ECE2: variants seen among roughly 807,000 people sequenced by gnomAD.
ECE2 encodes endothelin-converting enzyme 2.
In ECE2, 81 loss-of-function variants were observed where a neutral mutation model predicts 100.6. That is an observed-to-expected ratio of 0.81 (90% confidence interval 0.67 to 0.97). The LOEUF is 0.97. ECE2 is among the 50% of genes least tolerant of loss of function. The probability of loss-of-function intolerance (pLI) is 0.00; values close to 1 mark genes in which losing one functional copy is unlikely to be tolerated. For missense variants in ECE2, 911 were observed against 988.1 expected (o/e 0.92, Z 1.05); for synonymous variants, 391 against 391.5 (o/e 1.00, Z 0.02).
In ECE2 at chr3:184,289,311, C is replaced by A; in HGVS notation, c.1375-126C>A. On this transcript the variant is annotated intron_variant, in intron 11 of 18. Coordinates refer to ENST00000404464, the MANE Select transcript of ECE2 (RefSeq NM_001100121.2). The surrounding 1 kb of genome is among the most constrained non-coding windows in gnomAD (Gnocchi z 4.1). ...TTCTCATCGTCTCCAGGTGCTCAGCCGTATTTCTTTAGTCTAGACGTTCCC... is the reference window on the plus strand; with the variant it reads ...TTCTCATCGTCTCCAGGTGCTCAGCAGTATTTCTTTAGTCTAGACGTTCCC... 2 of 794,698 alleles carry A rather than the reference C, an allele frequency of 2.5e-6. No homozygotes were observed. The highest frequency in any genetic ancestry group is 4.1e-6 in the Non-Finnish European group (2 of 485,582). 49.2% of individuals were successfully genotyped at this position (794,698 alleles called of 1,614,324 possible). A position where few individuals can be genotyped will look rare whatever the true frequency, so the allele number is the denominator to read the frequency against.
intron 18 of ECE2, 33 bp from the exon 19 acceptor site, chr3:184,292,029 A>G (rs1234789045): frequency 6.3e-7 from 1 of 1,585,370 alleles, no homozygotes; most frequent in Non-Finnish European, 8.6e-7. Flanking sequence ...CACACTAGAC[A>G]CCATATGCCC....
rs575938812 is a variant in ECE2 at position 184,278,378 on chromosome 3, C to T, written c.750+65C>T. 2.0e-5 allele frequency: 32 copies of T among 1,593,616 alleles called. No homozygotes were observed. In the South Asian group the frequency reaches 3.3e-4, roughly 17 times the overall value. ...CTTTGCTGAGCCCAGACTTCCCTCT[C>T]CTGTGACAGGCAGGCTGGGCTGACC... On this transcript the variant is annotated intron_variant, in intron 6 of 18. Transcript: ENST00000404464.
Position 184,288,289 on chromosome 3 carries a change from G to A in ECE2, c.1374+342G>A, listed in dbSNP as rs542903447. Among the ~76,000 whole-genome samples, 235 of 133,184 alleles carry A rather than the reference G, an allele frequency of 1.8e-3. 4 individuals carry two copies. The highest frequency in any genetic ancestry group is 4.4e-3 in the Middle Eastern group (1 of 226). The allele number at this position is 133,184 out of a possible 152,430, so 87.4% of individuals were successfully genotyped here. Reference sequence around the variant, plus strand: ...CGCGCCAGTGCACTCCAGCCTGGGCGACAGAGCAAAACTCTGTCTCAAAAA... The same window carrying A: ...CGCGCCAGTGCACTCCAGCCTGGGCAACAGAGCAAAACTCTGTCTCAAAAA... On this transcript the variant is annotated intron_variant, in intron 11 of 18. Coordinates refer to ENST00000404464, the MANE Select transcript of ECE2 (RefSeq NM_001100121.2).
At chr3:184,276,796 C>A in intron 2 of ECE2, 96 bp from the exon 3 acceptor site, 1 of 1,578,090 alleles carries the variant, frequency 6.3e-7, no homozygotes, top group Non-Finnish European at 8.6e-7. Flanking sequence ...CAGAGTTAAC[C>A]CTGTGGCTCT....
Position 184,292,062 on chromosome 3 carries a change from G to A in ECE2, c.2122G>A (p.Val708Met), listed in dbSNP as rs147364209. 5.0e-6 allele frequency: 8 copies of A among 1,610,896 alleles called. No homozygotes were observed. The African/African-American group carries it at 9.4e-5, about 19-fold the overall frequency. Residue 708 changes from valine to methionine, a missense_variant and splice_region_variant, in exon 19 of 19, where the codon GTG (valine) becomes ATG (methionine). Physicochemically the swap from Val to Met is conservative, Grantham distance 21. Coordinates refer to ENST00000404464, the MANE Select transcript of ECE2 (RefSeq NM_001100121.2). ...CCCCCATGTCTGTCCTGGCCCGCAGGTGTGGTGCTCGGTCCGCACACCAGA... is the reference window on the plus strand; with the variant it reads ...CCCCCATGTCTGTCCTGGCCCGCAGATGTGGTGCTCGGTCCGCACACCAGA... ...HQLFFVGFAQ[V>M]WCSVRTPESS...
intron 10 of ECE2, among the ~76,000 whole-genome samples, chr3:184,287,169 G>A (rs933530411): frequency 2.6e-5 from 4 of 152,008 alleles, no homozygotes; most frequent in African/African-American, 4.8e-5. Context: ...TCAGCTACTC[G>A]GGAGGCTGAG....
intron 8 of ECE2, among the ~76,000 whole-genome samples, chr3:184,284,401 G>A (rs1439754926): frequency 6.6e-6 from 1 of 152,124 alleles, no homozygotes; most frequent in African/African-American, 2.4e-5. Flanking sequence ...AATTAGCCGG[G>A]TGTGGTGGCA....
At position 184,280,295 on chromosome 3, in the gene ECE2, G is replaced by C. The variant is rs374357520; in HGVS notation, c.816+1738G>C. Among the ~76,000 whole-genome samples the C allele has an allele frequency of 1.9e-4, 29 of 152,296 alleles. No individual in the cohort carries two copies. In the East Asian group the frequency reaches 3.9e-3, roughly 20 times the overall value. The stretch of plus-strand genomic sequence containing the variant: ...GGTGCAAGTTGATTAATCTCTCTGA[G>C]GCTGTTCCCTCATCCGTAAACAGGG... On this transcript the variant is annotated intron_variant, in intron 7 of 18. Coordinates refer to ENST00000404464, the MANE Select transcript of ECE2 (RefSeq NM_001100121.2).
In ECE2 at chr3:184,278,294, C is replaced by A. The variant is rs1388362264; in HGVS notation, c.731C>A (p.Ser244Tyr). The change falls in exon 6 of 19, where the codon TCC becomes TAC. Residue 244 changes from serine to tyrosine, a missense_variant. By Grantham distance (144) the Ser-to-Tyr change is moderately radical. Coordinates refer to ENST00000404464, the MANE Select transcript of ECE2 (RefSeq NM_001100121.2). ...TACATCAGTGCCGACTCTAAGAGTT[C>A]CAACAGCAATGTTATCCAGGTGATG... ...TVYISADSKS[S>Y]NSNVIQVDQS... 3.1e-6 allele frequency: 5 copies of A among 1,614,012 alleles called. No homozygotes were observed. Among genetic ancestry groups the A allele is most frequent in the Non-Finnish European group, 4.2e-6 (5 of 1,179,964 alleles).
rs1720602910 is a variant in ECE2, at chr3:184,277,326, G to T, written c.338G>T (p.Gly113Val). 6.2e-7 allele frequency: 1 copy of T among 1,614,260 alleles called. No homozygotes were observed. The highest frequency in any genetic ancestry group is 2.2e-5 in the East Asian group (1 of 44,888). Residue 113 changes from glycine to valine, a missense_variant, in exon 4 of 19, where the codon GGG becomes GTG. Physicochemically the swap from Gly to Val is moderately radical, Grantham distance 109. Transcript: ENST00000404464. ...AGKILESLDR[G>V]VSPCEDFYQF... ...AAAATCCTGGAGTCCCTGGACCGAG[G>T]GGTGAGCCCCTGTGAGGACTTTTAC... is the stretch of plus-strand genomic sequence containing the variant.
Position 184,291,431 on chromosome 3 carries a change from T to C in ECE2, c.2113T>C (p.Phe705Leu). 1 of 1,590,522 alleles carries C rather than the reference T, an allele frequency of 6.3e-7. No individual in the cohort carries two copies. Among genetic ancestry groups the C allele is most frequent in the Non-Finnish European group, 8.6e-7 (1 of 1,168,246 alleles). The change falls in exon 18 of 19, where the codon TTT becomes CTT. Residue 705 changes from phenylalanine (F) to leucine (L), a missense_variant. By Grantham distance (22) the Phe-to-Leu change is conservative. Coordinates refer to ENST00000404464, the MANE Select transcript of ECE2 (RefSeq NM_001100121.2). The surrounding 1 kb of genome is among the most constrained non-coding windows in gnomAD (Gnocchi z 4.1). ...CAACCACCAGCTCTTCTTCGTGGGA[T>C]TTGCCCAGGTATCACCCTCTCGGAA... ...LTNHQLFFVG[F>L]AQVWCSVRTP... is the part of the protein sequence containing the mutation.
At chr3:184,290,973 G>A in intron 16 of ECE2, 67 bp from the exon 17 acceptor site, 3 of 1,576,322 alleles carry the variant, frequency 1.9e-6, no homozygotes, top group Non-Finnish European at 2.6e-6. Flanking sequence ...CAGGGCTGGT[G>A]GGGGCACTGC....
Position 184,283,897 on chromosome 3 carries a change from C to T in ECE2, c.929C>T (p.Ala310Val), listed in dbSNP as rs1201787455. 1 of 1,613,830 alleles carries T rather than the reference C, an allele frequency of 6.2e-7. No homozygotes were observed. Among genetic ancestry groups the T allele is most frequent in the Non-Finnish European group, 8.5e-7 (1 of 1,180,032 alleles). ...GTGCTGGAGTTGGAGATACAGCTGG[C>T]CAACATCACAGTGCCCCAGGACCAG... ...QQVLELEIQL[A>V]NITVPQDQRR... Residue 310 changes from alanine to valine, a missense_variant, in exon 8 of 19, where the codon GCC becomes GTC. Transcript: ENST00000404464.
At position 184,276,540 on chromosome 3, in the gene ECE2, G is replaced by A. The variant is rs1367319376; in HGVS notation, c.99G>A (p.Glu33=). The change falls in exon 2 of 19, where the codon GAG becomes GAA. Residue 33 remains glutamate (E), a synonymous_variant. Transcript: ENST00000404464. The part of the protein sequence containing the change: ...RDEDAPETPV[E]GGASPDAMEV... ...AAGACGCACCCGAGACCCCCGTAGA[G>A]GGCGGGGCCTCCCCGGACGCCATGG... 6.2e-6 allele frequency: 10 copies of A among 1,611,550 alleles called. No homozygotes were observed. Among genetic ancestry groups the A allele is most frequent in the Admixed American group, 3.3e-5 (2 of 59,844 alleles).
chr3:184,290,305 C>T lies in ECE2; in HGVS notation c.1602C>T (p.Asn534=). 12 of 1,614,088 alleles carry T rather than the reference C, an allele frequency of 7.4e-6. No individual in the cohort carries two copies. The highest frequency in any genetic ancestry group is 1.0e-5 in the Non-Finnish European group (12 of 1,180,020). The part of the protein sequence containing the change: ...SFFQNMLNLY[N]FSAKVMADQL... ...TCCAAAACATGTTGAATTTGTACAA[C>T]TTCTCTGCCAAGGTTATGGCTGACC... Residue 534 remains asparagine, a synonymous_variant, in exon 14 of 19, where the codon AAC becomes AAT. Transcript: ENST00000404464.
chr3:184,279,485 G>A (rs935337941), intron 7 of ECE2, among the ~76,000 whole-genome samples: 2 of 151,518 alleles, frequency 1.3e-5, no homozygotes, highest in Admixed American at 6.6e-5. Context: ...GTGAAAACCC[G>A]TCTCTACTAA....
chr3:184,278,776 T>C, intron 7 of ECE2: 1 of 588,930 alleles, frequency 1.7e-6, no homozygotes, highest in Non-Finnish European at 3.0e-6. Flanking sequence ...GTAGGTTTCA[T>C]AGACACCTAC....
chr3:184,276,868 T>C (rs1389554817), intron 2 of ECE2, 24 bp from the exon 3 acceptor site: 1 of 1,612,734 alleles, frequency 6.2e-7, no homozygotes, highest in East Asian at 2.2e-5. Flanking sequence ...TCTCAGTCAC[T>C]CTCTGTCCCC....
chr3:184,287,376 C>A (rs922120121), intron 10 of ECE2, among the ~76,000 whole-genome samples: 4 of 151,428 alleles, frequency 2.6e-5, no homozygotes, highest in Non-Finnish European at 5.9e-5. Flanking sequence ...AGGTTTCTTG[C>A]ATGGGGGACT....
Sources: gnomAD v4.1 joint callset for allele counts (sites outside exome capture counted in the v4.1 genomes callset) on GRCh38, gnomAD v4.1.1 for gene constraint, Gnocchi (gnomAD v3.1) non-coding constraint, MANE v1.5 for transcripts, NCBI Gene and HGNC (gene_info 2026-07-23, HGNC 2026-07-21) for gene names.